The following SOX6 variants were observed in gnomAD, a reference collection of about 807,000 sequenced individuals.
The protein encoded by SOX6 is transcription factor SOX-6.
In SOX6, 11 loss-of-function variants were observed where a neutral mutation model predicts 97.8. The observed-to-expected ratio is 0.11, with a 90% CI of 0.07 to 0.19. The LOEUF (loss-of-function observed/expected upper bound fraction) is 0.19. Among genes scored for constraint, SOX6 ranks in the 10% least tolerant of loss-of-function variants. SOX6 has a pLI of 1.00. For synonymous variants in SOX6, 360 were observed against 371.4 expected (o/e 0.97, Z 0.35); for missense variants, 810 against 1,039.5 (o/e 0.78, Z 3.04).
At chr11:16,223,248 T>A (rs1038556215) in intron 4 of SOX6, among the ~76,000 whole-genome samples, 2 of 152,124 alleles carry the variant, frequency 1.3e-5, no homozygotes, top group Admixed American at 1.3e-4. Context: ...ACCCCATTTC[T>A]CCCACCACAG....
intron 3 of SOX6, among the ~76,000 whole-genome samples, chr11:16,658,856 A>C (rs1847744850): frequency 6.6e-6 from 1 of 152,258 alleles, no homozygotes; most frequent in South Asian, 2.1e-4. Flanking sequence ...AAACTCATTA[A>C]GAGTATATAA....
At chr11:16,525,569 T>C (rs1388718807) in intron 4 of SOX6, among the ~76,000 whole-genome samples, 2 of 151,334 alleles carry the variant, frequency 1.3e-5, no homozygotes, top group African/African-American at 4.8e-5. Flanking sequence ...GACATAGGCA[T>C]GGGCAAGGAC....
intron 3 of SOX6, among the ~76,000 whole-genome samples, chr11:16,277,995 G>A (rs1026864492): frequency 1.3e-5 from 2 of 152,076 alleles, no homozygotes; most frequent in African/African-American, 2.4e-5. Flanking sequence ...GCCAATGCCT[G>A]GTATTACAGA....
Position 16,365,051 on chromosome 11 carries a change from A to G in SOX6, c.-4-23799T>C, listed in dbSNP as rs528421414. On this transcript the variant is annotated intron_variant, in intron 1 of 15. Coordinates refer to the SOX6 transcript ENST00000396356. ...TCCAAAAATAGGTGAGTATAGCACA[A>G]TAAGATAACTTAAGAGACACGTTCA... is the stretch of plus-strand genomic sequence containing the variant. Among the ~76,000 whole-genome samples the G allele has an allele frequency of 3.3e-5, 5 of 152,294 alleles. No homozygotes were observed. The East Asian group carries it at 9.6e-4, about 29-fold the overall frequency.
intron 4 of SOX6, among the ~76,000 whole-genome samples, chr11:16,486,713 T>G (rs1860439775): frequency 6.6e-6 from 1 of 152,084 alleles, no homozygotes; most frequent in African/African-American, 2.4e-5. Flanking sequence ...ATACAAAGAT[T>G]GGCCGAGCAT....
chr11:16,445,228 C>G (rs1016679572), intron 1 of SOX6, among the ~76,000 whole-genome samples: 4 of 152,046 alleles, frequency 2.6e-5, no homozygotes, highest in Non-Finnish European at 5.9e-5. Flanking sequence ...AACAATAGAC[C>G]CATTACTATA....
At chr11:16,133,720 G>A (rs767515728) in intron 6 of SOX6, among the ~76,000 whole-genome samples, 2 of 152,236 alleles carry the variant, frequency 1.3e-5, no homozygotes, top group African/African-American at 2.4e-5. Flanking sequence ...ACGGAGTCTC[G>A]CTCTGTTGCC....
intron 1 of SOX6, among the ~76,000 whole-genome samples, chr11:16,398,329 T>A (rs992578346): frequency 2.6e-5 from 4 of 151,522 alleles, no homozygotes; most frequent in Admixed American, 6.6e-5. Context: ...CTTGTTTTTC[T>A]GTAGCTGAGT....
At chr11:16,091,895 G>A (rs1272937213) in intron 9 of SOX6, among the ~76,000 whole-genome samples, 1 of 151,984 alleles carries the variant, frequency 6.6e-6, no homozygotes, top group Non-Finnish European at 1.5e-5. Flanking sequence ...GTTAAAATAT[G>A]TTCCAACTAA....
rs116699646 is a variant in SOX6, at chr11:16,425,279, G to A, written c.-5+51036C>T. The stretch of plus-strand genomic sequence containing the variant: ...GATGTGGTTAAGAACATGGACTCTG[G>A]AGGTAAATACACCTTGATTCCAATT... On this transcript the variant is annotated intron_variant, in intron 1 of 15. Transcript: ENST00000396356. Among the ~76,000 whole-genome samples the A allele has an allele frequency of 5.1e-3, 783 of 152,306 alleles. 7 individuals are homozygous for A. Among genetic ancestry groups the A allele is most frequent in the African/African-American group, 0.018 (743 of 41,576 alleles).
intron 2 of SOX6, 51 bp from the exon 3 acceptor site, chr11:16,318,704 G>A: frequency 6.5e-7 from 1 of 1,536,502 alleles, no homozygotes; most frequent in Non-Finnish European, 8.9e-7. Flanking sequence ...TTCTTTGCAT[G>A]CTACTGGAGA....
intron 3 of SOX6, among the ~76,000 whole-genome samples, chr11:16,664,381 T>TG (rs1314600706): frequency 1.8e-4 from 28 of 152,012 alleles, no homozygotes; most frequent in Admixed American, 1.8e-3. Flanking sequence ...TCTGTACACT[T>TG]GGGGGAGAGA....
At chr11:16,307,069 G>GTTTGT (rs1855464044) in intron 3 of SOX6, among the ~76,000 whole-genome samples, 3 of 152,194 alleles carry the variant, frequency 2.0e-5, no homozygotes, top group Non-Finnish European at 4.4e-5. Context: ...AAGGTCCTAA[G>GTTTGT]ACATGTTTAA....
chr11:16,218,708 G>A (rs184978874), intron 4 of SOX6, among the ~76,000 whole-genome samples: 51 of 152,058 alleles, frequency 3.4e-4, no homozygotes, highest in African/African-American at 1.2e-3. Context: ...CTCTTTCATG[G>A]AGAGATATTT....
chr11:16,468,640 T>A (rs1322055608), intron 1 of SOX6, among the ~76,000 whole-genome samples: 4 of 152,204 alleles, frequency 2.6e-5, no homozygotes, highest in African/African-American at 9.6e-5. Flanking sequence ...AATACAGGAT[T>A]ATGAGGTCAT....
At chr11:16,065,537 C>A (rs1011051941) in intron 9 of SOX6, among the ~76,000 whole-genome samples, 2 of 151,714 alleles carry the variant, frequency 1.3e-5, no homozygotes, top group African/African-American at 4.8e-5. Flanking sequence ...ACCAAAACAG[C>A]ATAGTACTGG....
intron 13 of SOX6, among the ~76,000 whole-genome samples, chr11:15,992,524 G>A (rs1854087548): frequency 6.6e-6 from 1 of 152,054 alleles, no homozygotes; most frequent in South Asian, 2.1e-4. Context: ...ATTATGCCCA[G>A]GAGGTCACTC....
At chr11:16,171,869 TCATTTTTAAATCCTGCGAC>T (rs1443551339) in intron 6 of SOX6, among the ~76,000 whole-genome samples, 1 of 151,892 alleles carries the variant, frequency 6.6e-6, no homozygotes, top group Admixed American at 6.6e-5. Context: ...TGAAATTCTC[TCATTTTTAAATCCTGCGAC>T]CCAATAAATT....
At chr11:16,383,437 G>A (rs1857887185) in intron 1 of SOX6, among the ~76,000 whole-genome samples, 1 of 151,882 alleles carries the variant, frequency 6.6e-6, no homozygotes, top group South Asian at 2.1e-4. Context: ...TATATGAGGA[G>A]CACACCTAGG....
Sources: allele counts gnomAD v4.1 joint callset (sites outside exome capture counted in the v4.1 genomes callset), GRCh38; gene constraint gnomAD v4.1.1; transcripts MANE v1.5; gene names NCBI Gene and HGNC (gene_info 2026-07-23, HGNC 2026-07-21).